The following TSPEAR variants were observed in gnomAD, a reference collection of about 807,000 sequenced individuals.
TSPEAR encodes the protein thrombospondin type laminin G domain and EAR repeats.
TSPEAR carries 69 observed loss-of-function variants against 71.6 expected under a neutral mutation model. The ratio of observed to expected loss-of-function variants is 0.96; its 90% CI spans 0.79 to 1.18. The LOEUF (loss-of-function observed/expected upper bound fraction) is 1.18, where lower values mean the gene tolerates loss of function less well. Ranked by LOEUF, TSPEAR falls within the 50% of genes most tolerant of loss-of-function variation. The pLI, the probability that TSPEAR is intolerant of heterozygous loss-of-function variation, is 0.00. For missense variants in TSPEAR, 971 were observed against 894.9 expected, an observed-to-expected ratio of 1.09 and a Z score of -1.09; for synonymous variants, 402 against 387.2, an observed-to-expected ratio of 1.04 and a Z score of -0.45.
intron 1 of TSPEAR, among the ~76,000 whole-genome samples, chr21:44,644,497 A>G (rs1569237046): frequency 1.3e-5 from 2 of 152,200 alleles, no homozygotes; most frequent in Admixed American, 6.5e-5. Flanking sequence ...CAAAAACGGG[A>G]GGCTCAGCAG....
rs782354016 is a variant in TSPEAR at position 44,612,282 on chromosome 21, G to A, written c.83-44277C>T. On this transcript the variant is annotated intron_variant, in intron 1 of 11. Transcript: ENST00000323084. This position sits in a 1 kb window ranked among gnomAD's most constrained non-coding sequence, Gnocchi z 4.1. ...CCCCGCTCCTGTGCCTCCAGCTGCT[G>A]TACCCCTAGCTGCTGTGCCCCAGCC... 2.5e-6 allele frequency: 4 copies of A among 1,613,432 alleles called. No individual in the cohort carries two copies. The highest frequency in any genetic ancestry group is 2.2e-5 in the East Asian group (1 of 44,894).
chr21:44,553,294 C>A (rs1262790205), intron 2 of TSPEAR, among the ~76,000 whole-genome samples: 2 of 152,168 alleles, frequency 1.3e-5, no homozygotes, highest in African/African-American at 2.4e-5. Flanking sequence ...TAGAAGCCAG[C>A]CGGTCTGTAC....
At position 44,675,850 on chromosome 21, in the gene TSPEAR, C is replaced by T. The variant is rs77042452; in HGVS notation, c.82+35583G>A. On this transcript the variant is annotated intron_variant, in intron 1 of 11. Transcript: ENST00000323084. ...TTCCTTGACATGAAATACGACTTTA[C>T]GAAAATCTTCCTAGACCTTACTCTG... 2,939 of 641,670 alleles carry T rather than the reference C, an allele frequency of 4.6e-3. 76 individuals carry two copies. The African/African-American group carries it at 0.047, about 10-fold the overall frequency. The allele number at this position is 641,670 out of a possible 1,614,324, so 39.7% of individuals were successfully genotyped here.
At position 44,711,477 on chromosome 21, in the gene TSPEAR, AG is replaced by A. The variant is rs782595156; in HGVS notation, c.37del (p.Leu13TrpfsTer38). 3.1e-6 allele frequency: 5 copies of A among 1,611,242 alleles called. No homozygotes were observed. The highest frequency in any genetic ancestry group is 8.5e-7 in the Non-Finnish European group (1 of 1,178,744). On this transcript the variant is annotated frameshift_variant, in exon 1 of 12. Transcript: ENST00000323084. LOFTEE classifies it high-confidence loss of function. This position sits in a 1 kb window ranked among gnomAD's most constrained non-coding sequence, Gnocchi z 4.5. The stretch of plus-strand genomic sequence containing the variant: ...CTGCGTGCCGTGGCCGGGGGCCGCC[AG>A]GGGCAGCACAAAACACAGACTCAGC... The part of the protein sequence containing the change: ...ALLSLCFVLP[L>X]AAPGHGTQGW...
chr21:44,612,547 T>C lies in TSPEAR; in HGVS notation c.83-44542A>G. ...CTTCCTCCCCATGCTGCCAGCAGTC[T>C]AGCTGCCAGTCAGCTTGCTGCACCT... On this transcript the variant is annotated intron_variant, in intron 1 of 11. Coordinates refer to ENST00000323084, the MANE Select transcript of TSPEAR (RefSeq NM_144991.3). This position sits in a 1 kb window ranked among gnomAD's most constrained non-coding sequence, Gnocchi z 4.1. 12 of 1,613,998 alleles carry C rather than the reference T, an allele frequency of 7.4e-6. No individual in the cohort carries two copies. The highest frequency in any genetic ancestry group is 1.0e-5 in the Non-Finnish European group (12 of 1,179,936).
intron 7 of TSPEAR, among the ~76,000 whole-genome samples, chr21:44,526,187 A>T (rs1569164703): frequency 6.6e-6 from 1 of 152,224 alleles, no homozygotes; most frequent in Non-Finnish European, 1.5e-5. Flanking sequence ...AACGCATCAC[A>T]ACCTGCTCTC....
intron 9 of TSPEAR, among the ~76,000 whole-genome samples, chr21:44,515,175 T>C (rs2052524559): frequency 6.6e-6 from 1 of 152,184 alleles, no homozygotes; most frequent in Non-Finnish European, 1.5e-5. Flanking sequence ...TTAAGACATC[T>C]CTAGGACCTA....
At chr21:44,669,348 G>A (rs113829095) in intron 1 of TSPEAR, among the ~76,000 whole-genome samples, 2,242 of 152,226 alleles carry the variant, frequency 0.015, 69 homozygotes, top group African/African-American at 0.05. Flanking sequence ...ACTTGAACCC[G>A]GGAGGTGGAG....
chr21:44,652,021 T>C (rs2146251525), intron 1 of TSPEAR, among the ~76,000 whole-genome samples: 1 of 147,556 alleles, frequency 6.8e-6, no homozygotes, highest in African/African-American at 2.5e-5. Context: ...TCTCACTGTG[T>C]CGCCCAGGCT....
At chr21:44,701,183 A>T (rs1374035364) in intron 1 of TSPEAR, among the ~76,000 whole-genome samples, 2 of 152,238 alleles carry the variant, frequency 1.3e-5, no homozygotes, top group Non-Finnish European at 2.9e-5. Context: ...ACGCTTCCAT[A>T]GGGACAGCGC....
intron 1 of TSPEAR, among the ~76,000 whole-genome samples, chr21:44,696,215 A>C (rs1987325391): frequency 6.6e-6 from 1 of 152,180 alleles, no homozygotes; most frequent in South Asian, 2.1e-4. Context: ...GGCACCCATC[A>C]GATATTTTCA....
At chr21:44,702,180 C>T (rs1987680940) in intron 1 of TSPEAR, 2 of 1,493,212 alleles carry the variant, frequency 1.3e-6, no homozygotes, top group Non-Finnish European at 9.0e-7. Context: ...CACCATCCAC[C>T]CCACAGAGCA....
intron 1 of TSPEAR, among the ~76,000 whole-genome samples, chr21:44,699,507 A>G (rs1987548762): frequency 6.6e-6 from 1 of 151,016 alleles, no homozygotes; most frequent in Non-Finnish European, 1.5e-5. Flanking sequence ...TGGTGACCCC[A>G]TCTCACCCCC....
intron 1 of TSPEAR, chr21:44,690,598 A>G: frequency 2.0e-6 from 2 of 985,486 alleles, no homozygotes; most frequent in Non-Finnish European, 2.4e-6. Context: ...GCTTTCAAAG[A>G]TGAGCATGCT....
chr21:44,565,803 C>T (rs587602568), intron 2 of TSPEAR, among the ~76,000 whole-genome samples: 1 of 152,278 alleles, frequency 6.6e-6, no homozygotes, highest in East Asian at 1.9e-4. Context: ...AAAGAAGAAA[C>T]AAATCATCTC....
chr21:44,502,947 A>G (rs2052069097), intron 11 of TSPEAR, among the ~76,000 whole-genome samples: 1 of 55,354 alleles, frequency 1.8e-5, no homozygotes, highest in Non-Finnish European at 4.3e-5. Flanking sequence ...CCCTCGGGGA[A>G]GCAAGGCTCT....
chr21:44,615,389 C>T (rs1601489181), intron 1 of TSPEAR, among the ~76,000 whole-genome samples: 2 of 152,284 alleles, frequency 1.3e-5, no homozygotes, highest in East Asian at 3.9e-4. Flanking sequence ...CCTGGGGACA[C>T]GCTGTAGCAG....
chr21:44,601,672 C>A lies in TSPEAR; in HGVS notation c.83-33667G>T, dbSNP rs782495014. The A allele has an allele frequency of 1.2e-5, 19 of 1,612,870 alleles. No homozygotes were observed. In the East Asian group the frequency reaches 4.2e-4, roughly 36 times the overall value. ...AGCCTCCTGTGTGTCTCTCCTTTGC[C>A]GCCCCGCATGCTCCCGCCCGGCCTG... On this transcript the variant is annotated intron_variant, in intron 1 of 11. Transcript: ENST00000323084.
At chr21:44,627,882 T>C (rs782713364) in intron 1 of TSPEAR, 38 of 1,611,912 alleles carry the variant, frequency 2.4e-5, no homozygotes, top group East Asian at 6.7e-5. Context: ...TCTGCCGCCC[T>C]GTGTGCAGGC....
Sources: gnomAD v4.1 joint callset for allele counts (sites outside exome capture counted in the v4.1 genomes callset) on GRCh38, gnomAD v4.1.1 for gene constraint, Gnocchi (gnomAD v3.1) non-coding constraint, MANE v1.5 for transcripts, NCBI Gene and HGNC (gene_info 2026-07-23, HGNC 2026-07-21) for gene names.